Variants in SS18L1 observed in about 807,000 individuals in gnomAD.
SS18L1 encodes SS18L1 subunit of BAF chromatin remodeling complex, also known as calcium-responsive transactivator.
Under a neutral mutation model 70.3 loss-of-function variants are expected in SS18L1, and 32 were observed. That is an observed-to-expected ratio of 0.46 (90% CI 0.34 to 0.61). The LOEUF is 0.61. SS18L1 is among the 20% of genes least tolerant of loss of function. SS18L1 has a pLI of 0.01. For synonymous variants in SS18L1, 237 were observed against 229.7 expected (o/e 1.03, Z -0.29); for missense variants, 430 against 542.1 (o/e 0.79, Z 2.05).
intron 1 of SS18L1, among the ~76,000 whole-genome samples, chr20:62,146,604 C>CCTTTTTTTTTTTTTTTTTT (rs1339898731): frequency 2.9e-5 from 1 of 34,154 alleles, no homozygotes; most frequent in African/African-American, 1.2e-4. Context: ...CTGCTTTGAT[C>CCTTTTTTTTTTTTTTTTTT]ATTTTTTTTT....
intron 1 of SS18L1, among the ~76,000 whole-genome samples, chr20:62,145,856 C>G (rs1014081553): frequency 8.5e-5 from 13 of 152,208 alleles, no homozygotes; most frequent in African/African-American, 2.9e-4. Context: ...GGTGTATGTT[C>G]TATGCCTCAG....
Position 62,163,647 on chromosome 20 carries a change from C to T in SS18L1, c.721+25C>T, listed in dbSNP as rs75386972. On this transcript the variant is annotated intron_variant, in intron 6 of 10. Transcript: ENST00000331758. Reference sequence around the variant, plus strand: ...GGTAACGCCCGGCCGGGCCAGGTCGCGGGCACAGCTGACCGCCGCGGGTCG... The same window carrying T: ...GGTAACGCCCGGCCGGGCCAGGTCGTGGGCACAGCTGACCGCCGCGGGTCG... The T allele has an allele frequency of 2.6e-3, 4,023 of 1,533,744 alleles. 37 individuals are homozygous for T. In the African/African-American group the frequency reaches 0.032, roughly 12 times the overall value.
intron 1 of SS18L1, among the ~76,000 whole-genome samples, chr20:62,156,146 G>A (rs1052835344): frequency 6.6e-6 from 1 of 152,094 alleles, no homozygotes; most frequent in African/African-American, 2.4e-5. Context: ...AGTGGCTTGC[G>A]CCCCCCGGCC....
In SS18L1 at chr20:62,180,930, AAATT is replaced by A. The variant is rs1385661501; in HGVS notation, c.*1727_*1730del. 3 of 176,170 alleles carry A rather than the reference AAATT, an allele frequency of 1.7e-5. No individual in the cohort carries two copies. Among genetic ancestry groups the A allele is most frequent in the Admixed American group, 1.3e-4 (2 of 15,776 alleles). The allele number at this position is 176,170 out of a possible 1,614,324, so 10.9% of individuals were successfully genotyped here. A position where few individuals can be genotyped will look rare whatever the true frequency, so the allele number is the denominator to read the frequency against. On this transcript the variant is annotated 3_prime_UTR_variant, in exon 11 of 11. Coordinates refer to ENST00000331758, the MANE Select transcript of SS18L1 (RefSeq NM_198935.3). ...AATAAATAAATAAATAAATAAGTTA[AAATT>A]AATTCTTTATCCAGAGTCGGGTGCT...
chr20:62,176,153 T>C (rs898463934), intron 10 of SS18L1, among the ~76,000 whole-genome samples: 2 of 152,258 alleles, frequency 1.3e-5, no homozygotes, highest in African/African-American at 4.8e-5. Context: ...ATTTGGATTT[T>C]GTGAAATAAG....
intron 8 of SS18L1, among the ~76,000 whole-genome samples, chr20:62,167,723 G>T (rs994937510): frequency 2.6e-5 from 4 of 152,218 alleles, no homozygotes; most frequent in Admixed American, 2.6e-4. Flanking sequence ...CCATGGCGAG[G>T]TGTCCACATG....
At position 62,153,550 on chromosome 20, in the gene SS18L1, G is replaced by C. The variant is rs566295373; in HGVS notation, c.70-5122G>C. On this transcript the variant is annotated intron_variant, in intron 1 of 10. Coordinates refer to ENST00000331758, the MANE Select transcript of SS18L1 (RefSeq NM_198935.3). ...ACCCGTCAGAGTGGCTTTCTCGGGG[G>C]TTGGATCTGCCTCTGCTGTTGACGT... 2.0e-5 allele frequency among the ~76,000 whole-genome samples: 3 copies of C among 152,252 alleles called. No homozygotes were observed. The South Asian group carries it at 6.2e-4, about 32-fold the overall frequency.
intron 6 of SS18L1, 89 bp from the exon 7 acceptor site, chr20:62,164,056 G>A: frequency 8.2e-7 from 1 of 1,226,182 alleles, no homozygotes; most frequent in Non-Finnish European, 1.1e-6. Flanking sequence ...AGGCCATTCA[G>A]CAAGGCCTTG....
In SS18L1 at chr20:62,172,771, C is replaced by G. The variant is rs1221448338; in HGVS notation, c.1006C>G (p.Gln336Glu). The G allele has an allele frequency of 6.2e-7, 1 of 1,613,992 alleles. No homozygotes were observed. The highest frequency in any genetic ancestry group is 8.5e-7 in the Non-Finnish European group (1 of 1,179,990). Residue 336 changes from glutamine to glutamate, a missense_variant, in exon 9 of 11, where the codon CAG becomes GAG. Coordinates refer to ENST00000331758, the MANE Select transcript of SS18L1 (RefSeq NM_198935.3). ...CTCCCAGCAGCAGTACCCCAGCCAGCAGAGCTACCCCGGGCAGCAGCAGGG... is the reference window on the plus strand; with the variant it reads ...CTCCCAGCAGCAGTACCCCAGCCAGGAGAGCTACCCCGGGCAGCAGCAGGG... ...TYSQQQYPSQ[Q>E]SYPGQQQGYG...
chr20:62,161,612 G>T lies in SS18L1; in HGVS notation c.376+32G>T. 6.3e-7 allele frequency: 1 copy of T among 1,589,316 alleles called. No individual in the cohort carries two copies. The highest frequency in any genetic ancestry group is 8.6e-7 in the Non-Finnish European group (1 of 1,162,094). ...GCGGCGGGGGAGGAGGACGTTCCTG[G>T]CTACGAGGCCACCAAGGCAGCCCTT... On this transcript the variant is annotated intron_variant, in intron 4 of 10. Coordinates refer to ENST00000331758, the MANE Select transcript of SS18L1 (RefSeq NM_198935.3). The surrounding 1 kb of genome is among the most constrained non-coding windows in gnomAD (Gnocchi z 4.4).
chr20:62,150,562 TC>T (rs1432209836), intron 1 of SS18L1, among the ~76,000 whole-genome samples: 3 of 147,702 alleles, frequency 2.0e-5, no homozygotes, highest in Non-Finnish European at 4.5e-5. Context: ...TCAATGTCTG[TC>T]CAAGCAGACA....
At chr20:62,164,713 C>T (rs1464495997) in intron 7 of SS18L1, among the ~76,000 whole-genome samples, 1 of 152,152 alleles carries the variant, frequency 6.6e-6, no homozygotes, top group Non-Finnish European at 1.5e-5. Context: ...TGCATAGTCC[C>T]AGGGCTTGTG....
chr20:62,163,240 C>T (rs1239054960), intron 5 of SS18L1, among the ~76,000 whole-genome samples: 1 of 152,126 alleles, frequency 6.6e-6, no homozygotes, highest in African/African-American at 2.4e-5. Flanking sequence ...ACTGGGCTCT[C>T]AGAGGTGGGG....
chr20:62,178,112 G>A (rs944709250), intron 10 of SS18L1, among the ~76,000 whole-genome samples: 7 of 148,720 alleles, frequency 4.7e-5, no homozygotes, highest in South Asian at 4.3e-4. Context: ...CTCAACCTCC[G>A]GGGCATGCGC....
intron 6 of SS18L1, 120 bp from the exon 7 acceptor site, chr20:62,164,025 G>C (rs1031407980): frequency 3.9e-6 from 3 of 764,946 alleles, no homozygotes; most frequent in Non-Finnish European, 6.4e-6. Flanking sequence ...GACAGCGTGG[G>C]GTGTTCTCCT....
intron 8 of SS18L1, among the ~76,000 whole-genome samples, chr20:62,168,552 G>A (rs997535807): frequency 6.6e-6 from 1 of 152,038 alleles, no homozygotes; most frequent in African/African-American, 2.4e-5. Flanking sequence ...CAGGTGCAGT[G>A]GCTCCCACCT....
At chr20:62,148,396 G>A (rs939142291) in intron 1 of SS18L1, among the ~76,000 whole-genome samples, 1 of 150,708 alleles carries the variant, frequency 6.6e-6, no homozygotes, top group Admixed American at 6.6e-5. Flanking sequence ...GGTCAGGTGA[G>A]GGAGGCTCGG....
In SS18L1 at chr20:62,164,037, G is replaced by A. The variant is rs539614121; in HGVS notation, c.722-108G>A. ...GATGACAGCGTGGGGTGTTCTCCTCGGGTGGGTGAGGCCATTCAGCAAGGC... is the reference window on the plus strand; with the variant it reads ...GATGACAGCGTGGGGTGTTCTCCTCAGGTGGGTGAGGCCATTCAGCAAGGC... On this transcript the variant is annotated intron_variant, in intron 6 of 10. Coordinates refer to ENST00000331758, the MANE Select transcript of SS18L1 (RefSeq NM_198935.3). 1.3e-4 allele frequency: 115 copies of A among 902,956 alleles called. 1 individual carries two copies. The highest frequency in any genetic ancestry group is 5.9e-4 in the East Asian group (22 of 37,280). 55.9% of individuals were successfully genotyped at this position (902,956 alleles called of 1,614,324 possible).
At chr20:62,170,204 G>C (rs1340457317) in intron 8 of SS18L1, among the ~76,000 whole-genome samples, 1 of 152,222 alleles carries the variant, frequency 6.6e-6, no homozygotes, top group Non-Finnish European at 1.5e-5. Context: ...AATGCCAGAG[G>C]ATTCTTAGAG....
Sources: gnomAD v4.1 joint callset for allele counts (sites outside exome capture counted in the v4.1 genomes callset) on GRCh38, gnomAD v4.1.1 for gene constraint, Gnocchi (gnomAD v3.1) non-coding constraint, MANE v1.5 for transcripts, NCBI Gene and HGNC (gene_info 2026-07-23, HGNC 2026-07-21) for gene names.